Variants in EPB41L4A observed in about 807,000 individuals in gnomAD.
EPB41L4A encodes the protein erythrocyte membrane protein band 4.1 like 4A, also known as band 4.1-like protein 4A.
A neutral mutation model predicts 108.6 loss-of-function variants in EPB41L4A; 100 were observed. That is an observed-to-expected ratio of 0.92 (90% CI 0.78 to 1.09). EPB41L4A has a LOEUF of 1.09. Ranked by LOEUF, EPB41L4A falls within the 50% of genes least tolerant of loss-of-function variation. EPB41L4A has a pLI of 0.00. For synonymous variants in EPB41L4A, 319 were observed against 289.0 expected (o/e 1.10, Z -1.05); for missense variants, 1,030 against 842.7 (o/e 1.22, Z -2.75).
chr5:112,240,947 G>A (rs1158815954), intron 9 of EPB41L4A, 137 bp from the exon 10 acceptor site: 2 of 541,024 alleles, frequency 3.7e-6, no homozygotes, highest in South Asian at 2.8e-5. Flanking sequence ...ACTGTCTCTT[G>A]GTAACTATTT....
chr5:112,211,927 G>T (rs1561479622), intron 12 of EPB41L4A, among the ~76,000 whole-genome samples: 1 of 152,156 alleles, frequency 6.6e-6, no homozygotes, highest in Admixed American at 6.5e-5. Flanking sequence ...GGCACAAAAG[G>T]TAAGCTCATG....
At chr5:112,323,477 T>G (rs1273548079) in intron 1 of EPB41L4A, among the ~76,000 whole-genome samples, 1 of 152,258 alleles carries the variant, frequency 6.6e-6, no homozygotes, top group Non-Finnish European at 1.5e-5. Flanking sequence ...AAGATGAAGT[T>G]ACAAATAACT....
At chr5:112,199,392 T>C (rs753932664) in intron 15 of EPB41L4A, among the ~76,000 whole-genome samples, 3 of 152,184 alleles carry the variant, frequency 2.0e-5, no homozygotes, top group African/African-American at 4.8e-5. Context: ...GATTTTTCCA[T>C]GGCCACAATC....
chr5:112,318,188 C>T (rs1380223951), intron 1 of EPB41L4A, among the ~76,000 whole-genome samples: 1 of 152,112 alleles, frequency 6.6e-6, no homozygotes, highest in African/African-American at 2.4e-5. Context: ...CTTGCCTTCT[C>T]TTTTTTTCCT....
At chr5:112,304,911 T>C (rs1316757873) in intron 2 of EPB41L4A, among the ~76,000 whole-genome samples, 2 of 152,152 alleles carry the variant, frequency 1.3e-5, no homozygotes, top group African/African-American at 4.8e-5. Context: ...CTCAAACCTA[T>C]CTTGTGACTC....
At chr5:112,185,906 A>C (rs1761403097) in intron 17 of EPB41L4A, among the ~76,000 whole-genome samples, 1 of 152,140 alleles carries the variant, frequency 6.6e-6, no homozygotes, top group Non-Finnish European at 1.5e-5. Context: ...TTCTGTGTTC[A>C]TGTGACAGTC....
intron 1 of EPB41L4A, among the ~76,000 whole-genome samples, chr5:112,325,213 G>A (rs565986916): frequency 6.0e-4 from 92 of 152,166 alleles, no homozygotes; most frequent in African/African-American, 1.9e-3. Context: ...AAGCTGAGGC[G>A]GGCAGATCAC....
At chr5:112,402,977 C>T (rs1013005085) in intron 1 of EPB41L4A, among the ~76,000 whole-genome samples, 1 of 151,936 alleles carries the variant, frequency 6.6e-6, no homozygotes, top group African/African-American at 2.4e-5. Flanking sequence ...ATTTAAATGT[C>T]ATGTCACTTA....
At chr5:112,386,516 T>C (rs1364564424) in intron 1 of EPB41L4A, among the ~76,000 whole-genome samples, 1 of 152,220 alleles carries the variant, frequency 6.6e-6, no homozygotes, top group African/African-American at 2.4e-5. Flanking sequence ...TGAGGTTTTC[T>C]GGGTAACAGA....
chr5:112,210,490 T>TA (rs1003199918), intron 12 of EPB41L4A, among the ~76,000 whole-genome samples: 9 of 151,922 alleles, frequency 5.9e-5, no homozygotes, highest in African/African-American at 1.7e-4. Flanking sequence ...CACTCACATA[T>TA]AAAAAAAAGA....
At chr5:112,151,456 G>C (rs1323080853) in intron 12 of EPB41L4A, among the ~76,000 whole-genome samples, 3 of 151,238 alleles carry the variant, frequency 2.0e-5, no homozygotes, top group African/African-American at 7.3e-5. Context: ...CGCCCCGACT[G>C]GAGTGCAGTG....
intron 12 of EPB41L4A, among the ~76,000 whole-genome samples, chr5:112,150,457 A>G (rs1759424375): frequency 6.6e-6 from 1 of 152,206 alleles, no homozygotes; most frequent in Non-Finnish European, 1.5e-5. Context: ...CATCTTTGAA[A>G]AAAAACAAAG....
chr5:112,231,892 G>C (rs1426666919), intron 12 of EPB41L4A, among the ~76,000 whole-genome samples: 5 of 150,558 alleles, frequency 3.3e-5, no homozygotes, highest in Non-Finnish European at 7.4e-5. Flanking sequence ...AGGATTGCTT[G>C]AGGCTGGGAG....
intron 1 of EPB41L4A, among the ~76,000 whole-genome samples, chr5:112,359,539 GTCT>G (rs1274646830): frequency 4.2e-5 from 6 of 141,552 alleles, no homozygotes; most frequent in Admixed American, 7.1e-5. Flanking sequence ...ATCCTTGAAA[GTCT>G]TCTTTTTTTT....
At chr5:112,260,537 A>G (rs1256117263) in intron 7 of EPB41L4A, among the ~76,000 whole-genome samples, 1 of 152,160 alleles carries the variant, frequency 6.6e-6, no homozygotes, top group African/African-American at 2.4e-5. Context: ...CTCTCTCTAG[A>G]AAGTTTAGGC....
At chr5:112,280,219 C>T in intron 3 of EPB41L4A, 53 bp downstream of exon 3, 1 of 1,507,658 alleles carries the variant, frequency 6.6e-7, no homozygotes, top group South Asian at 1.1e-5. Flanking sequence ...TAATCATGGA[C>T]TTTGTCATCG....
chr5:112,214,093 T>C (rs1302862327), intron 12 of EPB41L4A, among the ~76,000 whole-genome samples: 1 of 152,218 alleles, frequency 6.6e-6, no homozygotes, highest in Non-Finnish European at 1.5e-5. Flanking sequence ...CATGGACCAC[T>C]AAATTTTCCT....
chr5:112,325,137 C>T (rs954155581), intron 1 of EPB41L4A, among the ~76,000 whole-genome samples: 3 of 140,580 alleles, frequency 2.1e-5, no homozygotes, highest in South Asian at 2.1e-4. Flanking sequence ...CGAGAAATTA[C>T]GCACAATTAA....
intron 9 of EPB41L4A, among the ~76,000 whole-genome samples, chr5:112,243,806 A>G (rs183236406): frequency 1.3e-5 from 2 of 152,346 alleles, no homozygotes; most frequent in Admixed American, 1.3e-4. Context: ...AGAATTGAAG[A>G]GAGTTAGAGC....
Sources: gnomAD v4.1 joint callset for allele counts (sites outside exome capture counted in the v4.1 genomes callset) on GRCh38, gnomAD v4.1.1 for gene constraint, MANE v1.5 for transcripts, NCBI Gene and HGNC (gene_info 2026-07-23, HGNC 2026-07-21) for gene names.